JMJD1C: variants seen among roughly 807,000 people sequenced by gnomAD.
JMJD1C encodes jumonji domain containing 1C, also known as jumonji domain-containing protein 1C.
In JMJD1C, 31 loss-of-function variants were observed where a neutral mutation model predicts 245.3. That is an observed-to-expected ratio of 0.13 (90% CI 0.09 to 0.17). The LOEUF (loss-of-function observed/expected upper bound fraction) is 0.17, where lower values mean the gene tolerates loss of function less well. JMJD1C is among the 10% of genes least tolerant of loss of function. The probability of loss-of-function intolerance (pLI) is 1.00; values close to 1 mark genes in which losing one functional copy is unlikely to be tolerated. For synonymous variants in JMJD1C, 1,057 were observed against 1,017.4 expected (o/e 1.04, Z -0.74); for missense variants, 2,691 against 3,000.2 (o/e 0.90, Z 2.41).
chr10:63,337,458 G>GA lies in JMJD1C; in HGVS notation c.333+42859_333+42860insT, dbSNP rs1178860898. Among the ~76,000 whole-genome samples the GA allele has an allele frequency of 2.7e-5, 2 of 72,952 alleles. 1 individual carries two copies. Among genetic ancestry groups the GA allele is most frequent in the Non-Finnish European group, 5.3e-5 (2 of 38,014 alleles). 47.9% of individuals were successfully genotyped at this position (72,952 alleles called of 152,430 possible). A position where few individuals can be genotyped will look rare whatever the true frequency, so the allele number is the denominator to read the frequency against. On this transcript the variant is annotated intron_variant, in intron 2 of 25. Transcript: ENST00000399262. ...CTCCGTCAGAAAGAAAGAGAAGGCG[G>GA]GGGGGGGGGAGGGAGAGAGAGAGGG...
chr10:63,396,929 GTT>G (rs1289435997), intron 1 of JMJD1C, among the ~76,000 whole-genome samples: 47 of 130,078 alleles, frequency 3.6e-4, no homozygotes, highest in Non-Finnish European at 3.4e-4. Flanking sequence ...CTGGTTTTTG[GTT>G]TTTTTTTTTT....
intron 1 of JMJD1C, among the ~76,000 whole-genome samples, chr10:63,493,685 A>G (rs1954254900): frequency 6.6e-6 from 1 of 152,240 alleles, no homozygotes; most frequent in Admixed American, 6.5e-5. Context: ...ATTAGATAAT[A>G]AATTCAACAG....
At chr10:63,320,457 C>T (rs372259190) in intron 2 of JMJD1C, among the ~76,000 whole-genome samples, 1 of 152,030 alleles carries the variant, frequency 6.6e-6, no homozygotes, top group Non-Finnish European at 1.5e-5. Flanking sequence ...TGTATATAGA[C>T]GATGTCAGCC....
At chr10:63,338,687 T>C (rs1437944854) in intron 2 of JMJD1C, among the ~76,000 whole-genome samples, 6 of 147,676 alleles carry the variant, frequency 4.1e-5, no homozygotes, top group Non-Finnish European at 8.9e-5. Flanking sequence ...TCGCTCTTGT[T>C]ACCCAGACTT....
chr10:63,206,820 T>C lies in JMJD1C; in HGVS notation c.4849A>G (p.Lys1617Glu). 21 of 1,601,194 alleles carry C rather than the reference T, an allele frequency of 1.3e-5. No individual in the cohort carries two copies. The highest frequency in any genetic ancestry group is 1.8e-5 in the Non-Finnish European group (21 of 1,176,504). ...CCAGATTCATAAGTTCTTTTGGCTT[T>C]TCTCCTGTTGACTTTATCATCTTTT... The part of the protein sequence containing the change: ...YVKDDKVNRR[K>E]AKRTYESGSE... Residue 1617 changes from lysine to glutamate, a missense_variant, in exon 10 of 26, where the codon AAA (lysine) becomes GAA (glutamate). Around this residue, in one of 9 missense-constraint regions of JMJD1C, gnomAD observed 144 missense variants for 143.3 expected, o/e 1.00. Coordinates refer to ENST00000399262, the MANE Select transcript of JMJD1C (RefSeq NM_032776.3).
intron 2 of JMJD1C, among the ~76,000 whole-genome samples, chr10:63,350,993 A>C (rs917371899): frequency 6.6e-6 from 1 of 151,886 alleles, no homozygotes; most frequent in African/African-American, 2.4e-5. Context: ...AAGCAATCAT[A>C]TTTAATATAC....
At chr10:63,289,520 T>C (rs931024072) in intron 2 of JMJD1C, among the ~76,000 whole-genome samples, 5 of 152,204 alleles carry the variant, frequency 3.3e-5, no homozygotes, top group Non-Finnish European at 2.9e-5. Flanking sequence ...GCAGCAGTGA[T>C]TTAGCTTATA....
intron 2 of JMJD1C, among the ~76,000 whole-genome samples, chr10:63,306,641 G>T (rs759927929): frequency 6.6e-6 from 1 of 151,716 alleles, no homozygotes; most frequent in African/African-American, 2.4e-5. Context: ...TAAATATTTC[G>T]AAACTAAAAA....
chr10:63,193,002 TTCTGGAGGAGTTAACTTGTTATCTGTG>T lies in JMJD1C; in HGVS notation c.5985_6011del (p.Thr1996_Glu2004del). On this transcript the variant is annotated inframe_deletion, in exon 16 of 26. Transcript: ENST00000399262. ...CTAACCAGTGCAGTGGTGACTGGGA[TTCTGGAGGAGTTAACTTGTTATCTGTG>T]CCTACATCACTCTCTGGGCTGCTGC... is the stretch of plus-strand genomic sequence containing the variant. The T allele has an allele frequency of 6.2e-7, 1 of 1,614,174 alleles. No homozygotes were observed. Among genetic ancestry groups the T allele is most frequent in the Non-Finnish European group, 8.5e-7 (1 of 1,180,016 alleles).
intron 1 of JMJD1C, among the ~76,000 whole-genome samples, chr10:63,445,308 G>C (rs1222513236): frequency 6.6e-6 from 1 of 152,132 alleles, no homozygotes; most frequent in Non-Finnish European, 1.5e-5. Flanking sequence ...TGACAGAGGA[G>C]GGAAGAGGTC....
At chr10:63,336,325 G>A (rs1353389077) in intron 2 of JMJD1C, among the ~76,000 whole-genome samples, 1 of 152,080 alleles carries the variant, frequency 6.6e-6, no homozygotes, top group Non-Finnish European at 1.5e-5. Context: ...GGACATGGTG[G>A]GATGTGCCTG....
chr10:63,318,066 G>A (rs543220531), intron 2 of JMJD1C, among the ~76,000 whole-genome samples: 4 of 152,078 alleles, frequency 2.6e-5, no homozygotes, highest in South Asian at 2.1e-4. Context: ...GGAGTGCAGC[G>A]GTGCCATCTC....
At chr10:63,318,076 C>T (rs139482438) in intron 2 of JMJD1C, among the ~76,000 whole-genome samples, 2,019 of 152,228 alleles carry the variant, frequency 0.013, 30 homozygotes, top group African/African-American at 0.034. Context: ...GGTGCCATCT[C>T]GACTCACTAC....
At chr10:63,204,406 G>T in intron 10 of JMJD1C, 2 of 985,088 alleles carry the variant, frequency 2.0e-6, no homozygotes, top group Non-Finnish European at 2.4e-6. Flanking sequence ...GATGAAAAGA[G>T]AATACGTATT....
rs1452385285 is a variant in JMJD1C, at chr10:63,186,308, C to T, written c.6646G>A (p.Gly2216Arg). The change falls in exon 19 of 26, where the codon GGA becomes AGA. Residue 2216 changes from glycine (G) to arginine (R), a missense_variant. Around this residue, in one of 9 missense-constraint regions of JMJD1C, gnomAD observed 232 missense variants for 416.1 expected, o/e 0.56. Coordinates refer to ENST00000399262, the MANE Select transcript of JMJD1C (RefSeq NM_032776.3). ...TTCAGGAGATCAGCTTGGTGGTCTC[C>T]AAAATCAAGACTAATTGATTCCGCC... is the stretch of plus-strand genomic sequence containing the variant. ...WKAESISLDFGDHQADLLNCK... is the reference protein window; with the variant it reads ...WKAESISLDFRDHQADLLNCK... 1 of 1,613,368 alleles carries T rather than the reference C, an allele frequency of 6.2e-7. No homozygotes were observed. Among genetic ancestry groups the T allele is most frequent in the Non-Finnish European group, 8.5e-7 (1 of 1,179,678 alleles).
At chr10:63,290,686 C>T (rs1311074051) in intron 2 of JMJD1C, among the ~76,000 whole-genome samples, 1 of 152,134 alleles carries the variant, frequency 6.6e-6, no homozygotes, top group Non-Finnish European at 1.5e-5. Flanking sequence ...TCTATGATTA[C>T]TCTGAGGTAC....
chr10:63,339,823 TCA>T (rs1943204198), intron 2 of JMJD1C, among the ~76,000 whole-genome samples: 3 of 152,272 alleles, frequency 2.0e-5, no homozygotes, highest in African/African-American at 7.2e-5. Context: ...TAGCTCAGGT[TCA>T]CTGCGGAGAA....
At chr10:63,204,037 C>G (rs1846318766) in intron 10 of JMJD1C, 1 of 951,804 alleles carries the variant, frequency 1.1e-6, no homozygotes, top group African/African-American at 1.8e-5. Flanking sequence ...ATTGCCTGAG[C>G]CCAGGAGTTG....
chr10:63,245,331 G>A (rs765804900), intron 3 of JMJD1C, among the ~76,000 whole-genome samples: 3 of 151,784 alleles, frequency 2.0e-5, no homozygotes, highest in Non-Finnish European at 4.4e-5. Flanking sequence ...CCCCAGACTG[G>A]GCAATTTACA....
Sources: gnomAD v4.1 joint callset for allele counts (sites outside exome capture counted in the v4.1 genomes callset) on GRCh38, gnomAD v4.1.1 for gene constraint, gnomAD v4.1.1 regional missense constraint, MANE v1.5 for transcripts, NCBI Gene and HGNC (gene_info 2026-07-23, HGNC 2026-07-21) for gene names.